Variants in DMXL1 observed in about 807,000 individuals in gnomAD.
The protein encoded by DMXL1 is Dmx like 1, also known as dmX-like protein 1.
Under a neutral mutation model 319.2 loss-of-function variants are expected in DMXL1, and 99 were observed. That is an observed-to-expected ratio of 0.31 (90% CI 0.26 to 0.37). The LOEUF (loss-of-function observed/expected upper bound fraction) is 0.37. DMXL1 is among the 10% of genes least tolerant of loss of function. The pLI is 1.00. For synonymous variants in DMXL1, 1,385 were observed against 1,235.2 expected (o/e 1.12, Z -2.54); for missense variants, 3,745 against 3,595.6 (o/e 1.04, Z -1.06).
At chr5:119,153,437 A>C (rs1172367454) in intron 19 of DMXL1, among the ~76,000 whole-genome samples, 1 of 152,236 alleles carries the variant, frequency 6.6e-6, no homozygotes, top group African/African-American at 2.4e-5. Context: ...TGTGGTAAGA[A>C]TATTTGAAAT....
chr5:119,237,545 G>A (rs1276579041), intron 40 of DMXL1, 131 bp downstream of exon 40: 2 of 561,070 alleles, frequency 3.6e-6, no homozygotes, highest in South Asian at 2.6e-5. Flanking sequence ...TCACTTTGCT[G>A]TAAGATTCTG....
rs184928450 is a variant in DMXL1 at position 119,143,830 on chromosome 5, A to T, written c.2377-11A>T. ...TGTTTAGTAAATTATAAATTTTTTT[A>T]AAAAAAACAGAAATATGTTGGTGAA... On this transcript the variant is annotated splice_polypyrimidine_tract_variant and intron_variant, in intron 13 of 43. Coordinates refer to ENST00000539542, the MANE Select transcript of DMXL1 (RefSeq NM_001290321.3). The T allele has an allele frequency of 3.0e-4, 463 of 1,542,818 alleles. No homozygotes were observed. Among genetic ancestry groups the T allele is most frequent in the African/African-American group, 1.7e-3 (123 of 71,690 alleles).
chr5:119,180,931 G>C (rs1414031141), intron 28 of DMXL1, among the ~76,000 whole-genome samples: 1 of 152,136 alleles, frequency 6.6e-6, no homozygotes, highest in East Asian at 1.9e-4. Flanking sequence ...GGAATGTGCA[G>C]ATATCCATAA....
In DMXL1 at chr5:119,237,401, C is replaced by A; in HGVS notation, c.8546C>A (p.Pro2849His). The A allele has an allele frequency of 6.2e-7, 1 of 1,600,370 alleles. No homozygotes were observed. Among genetic ancestry groups the A allele is most frequent in the Non-Finnish European group, 8.5e-7 (1 of 1,170,634 alleles). Residue 2849 changes from proline to histidine, a missense_variant, in exon 40 of 44, where the codon CCT (proline) becomes CAT (histidine). Around this residue, in one of 4 missense-constraint regions of DMXL1, gnomAD observed 262 missense variants for 320.5 expected, o/e 0.82. Coordinates refer to ENST00000539542, the MANE Select transcript of DMXL1 (RefSeq NM_001290321.3). ...WKCCPVTGSM[P>H]KPYLTWQCHN... ...TGTTGTCCAGTTACTGGAAGCATGC[C>A]TAAGCCATACCTGGTAAGCCAAGAA...
intron 32 of DMXL1, among the ~76,000 whole-genome samples, chr5:119,201,606 C>T (rs1780725909): frequency 6.6e-6 from 1 of 152,158 alleles, no homozygotes; most frequent in Non-Finnish European, 1.5e-5. Flanking sequence ...GAAGGAGTTC[C>T]ACCTCCTCAG....
intron 26 of DMXL1, 104 bp downstream of exon 26, chr5:119,175,441 A>T (rs969125123): frequency 1.9e-5 from 15 of 781,044 alleles, no homozygotes; most frequent in Non-Finnish European, 2.8e-5. Flanking sequence ...CTTTTAAATA[A>T]TGCAAAAAGC....
chr5:119,152,156 G>T, intron 19 of DMXL1, 120 bp downstream of exon 19: 3 of 638,724 alleles, frequency 4.7e-6, no homozygotes, highest in South Asian at 4.5e-5. Context: ...CATATTTTAA[G>T]TTTCCTTTAT....
At chr5:119,106,469 T>G (rs550939636) in intron 4 of DMXL1, among the ~76,000 whole-genome samples, 1 of 152,274 alleles carries the variant, frequency 6.6e-6, no homozygotes, top group South Asian at 2.1e-4. Context: ...AGAGAAAGCA[T>G]AAGATACATT....
At position 119,175,333 on chromosome 5, in the gene DMXL1, T is replaced by G. The variant is rs1464749312; in HGVS notation, c.6754T>G (p.Tyr2252Asp). The part of the protein sequence containing the change: ...IYQCLCGSHN[Y>D]SSFQTNQFTG... The stretch of plus-strand genomic sequence containing the variant: ...TCAGTGCCTTTGTGGTAGTCATAAC[T>G]ACAGGTAACTATCTTTTTATGAAAT... The change falls in exon 26 of 44, where the codon TAC becomes GAC. Residue 2252 changes from tyrosine to aspartate, a missense_variant. Physicochemically the swap from Tyr to Asp is radical, Grantham distance 160. Transcript: ENST00000539542. 2 of 1,605,048 alleles carry G rather than the reference T, an allele frequency of 1.2e-6. No homozygotes were observed.
rs1283525013 is a variant in DMXL1, at chr5:119,240,439, C to G, written c.8672C>G (p.Thr2891Ser). The change falls in exon 42 of 44, where the codon ACT becomes AGT. Residue 2891 changes from threonine to serine, a missense_variant. Coordinates refer to ENST00000539542, the MANE Select transcript of DMXL1 (RefSeq NM_001290321.3). ...TDNRNVCLWDTLVAPANSLVH... is the reference protein window; with the variant it reads ...TDNRNVCLWDSLVAPANSLVH... ...TCCAGAAACGTATGTTTGTGGGATACTCTTGTAGCACCTGCCAATAGTTTA... is the reference window on the plus strand; with the variant it reads ...TCCAGAAACGTATGTTTGTGGGATAGTCTTGTAGCACCTGCCAATAGTTTA... 1 of 1,602,598 alleles carries G rather than the reference C, an allele frequency of 6.2e-7. No individual in the cohort carries two copies. Among genetic ancestry groups the G allele is most frequent in the Admixed American group, 1.7e-5 (1 of 58,816 alleles).
intron 35 of DMXL1, among the ~76,000 whole-genome samples, chr5:119,217,231 T>C (rs952434868): frequency 6.6e-6 from 1 of 152,186 alleles, no homozygotes; most frequent in Non-Finnish European, 1.5e-5. Flanking sequence ...GTACCAAATA[T>C]ATAGACAATC....
At chr5:119,234,228 G>C (rs1787300816) in intron 39 of DMXL1, among the ~76,000 whole-genome samples, 1 of 152,164 alleles carries the variant, frequency 6.6e-6, no homozygotes, top group East Asian at 1.9e-4. Flanking sequence ...ACTGCTCCTT[G>C]TGAAGCAGGG....
chr5:119,096,729 C>G (rs1034715471), intron 1 of DMXL1, among the ~76,000 whole-genome samples: 13 of 152,276 alleles, frequency 8.5e-5, no homozygotes, highest in African/African-American at 2.6e-4. Context: ...GTTATGCTAA[C>G]TGTTGTAAAA....
In DMXL1 at chr5:119,148,908, A is replaced by G. The variant is rs1029381930; in HGVS notation, c.3081A>G (p.Pro1027=). 3 of 1,613,892 alleles carry G rather than the reference A, an allele frequency of 1.9e-6. No individual in the cohort carries two copies. The highest frequency in any genetic ancestry group is 2.2e-5 in the South Asian group (2 of 91,086). Residue 1027 remains proline, a synonymous_variant, in exon 18 of 44, where the codon CCA becomes CCG. Transcript: ENST00000539542. ...TTGCATACATTTGGGAAGAATGGCC[A>G]TTACTTATTGAAGATGGACTTCAGA... The part of the protein sequence containing the change: ...IDLAYIWEEW[P]LLIEDGLQSN...
At chr5:119,184,747 T>C (rs1777394757) in intron 28 of DMXL1, among the ~76,000 whole-genome samples, 1 of 152,220 alleles carries the variant, frequency 6.6e-6, no homozygotes, top group Admixed American at 6.5e-5. Context: ...TTTTGTCTTT[T>C]TGTGACTGGC....
intron 13 of DMXL1, among the ~76,000 whole-genome samples, chr5:119,134,836 C>A (rs1351183056): frequency 6.6e-6 from 1 of 152,166 alleles, no homozygotes; most frequent in Admixed American, 6.5e-5. Flanking sequence ...TATGACAGGC[C>A]ACATTTGTTC....
intron 28 of DMXL1, among the ~76,000 whole-genome samples, chr5:119,188,070 T>A (rs1402888188): frequency 1.3e-5 from 2 of 152,248 alleles, no homozygotes; most frequent in Non-Finnish European, 2.9e-5. Context: ...TCACAGCTTG[T>A]AGTTTCAAAT....
At chr5:119,233,821 A>G (rs1243518089) in intron 39 of DMXL1, among the ~76,000 whole-genome samples, 1 of 152,116 alleles carries the variant, frequency 6.6e-6, no homozygotes, top group African/African-American at 2.4e-5. Flanking sequence ...ATAAATGCAT[A>G]TTATTGTTCC....
At chr5:119,071,792 A>G (rs760736021) in intron 1 of DMXL1, 136 bp downstream of exon 1, 5 of 714,222 alleles carry the variant, frequency 7.0e-6, no homozygotes, top group Non-Finnish European at 1.1e-5. Context: ...AGAACCCAGC[A>G]GACCTGGCCC....
Sources: gnomAD v4.1 joint callset for allele counts (sites outside exome capture counted in the v4.1 genomes callset) on GRCh38, gnomAD v4.1.1 for gene constraint, gnomAD v4.1.1 regional missense constraint, MANE v1.5 for transcripts, NCBI Gene and HGNC (gene_info 2026-07-23, HGNC 2026-07-21) for gene names.